Variants in IL15 observed in about 807,000 individuals in gnomAD.
IL15 encodes the protein interleukin-15.
IL15 carries 11 observed loss-of-function variants against 19.6 expected under a neutral mutation model. The ratio of observed to expected loss-of-function variants is 0.56; its 90% CI spans 0.35 to 0.93. The LOEUF is 0.93. Among genes scored for constraint, IL15 ranks in the 40% least tolerant of loss-of-function variants. The pLI is 0.01. For synonymous variants in IL15, 58 were observed against 59.6 expected, an observed-to-expected ratio of 0.97 and a Z score of 0.12; for missense variants, 197 against 186.5, an observed-to-expected ratio of 1.06 and a Z score of -0.33.
intron 3 of IL15, among the ~76,000 whole-genome samples, 183 bp downstream of exon 3, chr4:141,719,659 A>G (rs1730008698): frequency 6.6e-6 from 1 of 152,146 alleles, no homozygotes; most frequent in African/African-American, 2.4e-5. Context: ...TCTATTGACC[A>G]TCTTGATAGG....
At chr4:141,648,824 T>C (rs1727312630) in intron 1 of IL15, among the ~76,000 whole-genome samples, 1 of 152,096 alleles carries the variant, frequency 6.6e-6, no homozygotes, top group African/African-American at 2.4e-5. Flanking sequence ...CGCTGCAACT[T>C]ATAAAGCATG....
chr4:141,717,160 T>C (rs1729913776), intron 2 of IL15: 1 of 152,188 alleles, frequency 6.6e-6, no homozygotes, highest in East Asian at 1.9e-4. Flanking sequence ...GGAGTGACTT[T>C]TGAGCCTACT....
At chr4:141,649,055 C>T (rs1727321815) in intron 1 of IL15, among the ~76,000 whole-genome samples, 1 of 152,104 alleles carries the variant, frequency 6.6e-6, no homozygotes, top group Non-Finnish European at 1.5e-5. Context: ...TACTGAACTA[C>T]TCTCTGCCCC....
intron 2 of IL15, among the ~76,000 whole-genome samples, chr4:141,677,008 C>A (rs1323433800): frequency 6.6e-6 from 1 of 152,186 alleles, no homozygotes; most frequent in African/African-American, 2.4e-5. Context: ...AGGCTACTTT[C>A]AACTTCTTTC....
intron 2 of IL15, among the ~76,000 whole-genome samples, chr4:141,658,256 T>C (rs1324921809): frequency 2.6e-5 from 4 of 152,210 alleles, no homozygotes; most frequent in Non-Finnish European, 5.9e-5. Flanking sequence ...CATGATTTTG[T>C]TTCCTGAGGC....
chr4:141,693,708 A>G (rs1179282540), intron 2 of IL15, among the ~76,000 whole-genome samples: 2 of 152,236 alleles, frequency 1.3e-5, no homozygotes, highest in African/African-American at 4.8e-5. Flanking sequence ...TGATTTAGAT[A>G]CACATTTGTT....
chr4:141,719,716 T>C (rs922048378), intron 3 of IL15, among the ~76,000 whole-genome samples: 1 of 152,172 alleles, frequency 6.6e-6, no homozygotes, highest in Non-Finnish European at 1.5e-5. Flanking sequence ...CCCACTCTTT[T>C]GTGTTCTCTA....
At chr4:141,673,445 A>T (rs1396052263) in intron 2 of IL15, among the ~76,000 whole-genome samples, 1 of 152,160 alleles carries the variant, frequency 6.6e-6, no homozygotes, top group Non-Finnish European at 1.5e-5. Context: ...AGGTCACACA[A>T]ATCAAATATC....
chr4:141,637,205 C>T (rs1319737977), intron 1 of IL15: 1 of 152,326 alleles, frequency 6.6e-6, no homozygotes, highest in Non-Finnish European at 1.5e-5. Context: ...CCCAGTCAAG[C>T]TCAGGAAGGC....
chr4:141,727,848 T>C (rs1358959060), intron 5 of IL15, 92 bp from the exon 6 acceptor site: 1 of 675,368 alleles, frequency 1.5e-6, no homozygotes. Flanking sequence ...AAAAAAAGAA[T>C]TAAAAACAAT....
At chr4:141,643,936 T>C (rs1589241) in intron 1 of IL15, among the ~76,000 whole-genome samples, 117,189 of 151,210 alleles carry the variant, frequency 0.78, 45,698 homozygotes, top group East Asian at 0.99. Flanking sequence ...ATCTGCTTGC[T>C]CCACCTTCTT....
Position 141,636,723 on chromosome 4 carries a change from C to G in IL15, c.-247C>G, listed in dbSNP as rs919556076. On this transcript the variant is annotated 5_prime_UTR_variant, in exon 1 of 8. Coordinates refer to ENST00000320650, the MANE Select transcript of IL15 (RefSeq NM_000585.5). ...CCCGGCTGCGGTGGCTGTCGCCCCC[C>G]ACCCTGCAGCCAGGACTCGATGGAG... The G allele has an allele frequency of 6.6e-6, 1 of 151,928 alleles. No homozygotes were observed. Among genetic ancestry groups the G allele is most frequent in the Non-Finnish European group, 1.5e-5 (1 of 68,044 alleles). The allele number at this position is 151,928 out of a possible 1,614,324, so 9.4% of individuals were successfully genotyped here.
At chr4:141,721,476 A>C in intron 4 of IL15, 1 of 574,324 alleles carries the variant, frequency 1.7e-6, no homozygotes, top group Non-Finnish European at 3.3e-6. Context: ...GTAGTGTAAA[A>C]AAAATTTACT....
intron 2 of IL15, among the ~76,000 whole-genome samples, chr4:141,658,937 G>T (rs1385435043): frequency 6.6e-6 from 1 of 150,756 alleles, no homozygotes; most frequent in Non-Finnish European, 1.5e-5. Flanking sequence ...TCGGCTCACT[G>T]CAAGCTCCGC....
At chr4:141,698,887 TC>T (rs2152180771) in intron 2 of IL15, among the ~76,000 whole-genome samples, 1 of 152,246 alleles carries the variant, frequency 6.6e-6, no homozygotes, top group African/African-American at 2.4e-5. Context: ...TTTAGTTTGT[TC>T]CTGTCTCTTA....
At position 141,729,836 on chromosome 4, in the gene IL15, T is replaced by C; in HGVS notation, c.241-11T>C. 1 of 1,475,646 alleles carries C rather than the reference T, an allele frequency of 6.8e-7. No homozygotes were observed. Among genetic ancestry groups the C allele is most frequent in the Admixed American group, 1.8e-5 (1 of 56,900 alleles). 91.4% of individuals were successfully genotyped at this position (1,475,646 alleles called of 1,614,324 possible). On this transcript the variant is annotated splice_polypyrimidine_tract_variant and intron_variant, in intron 6 of 7. Coordinates refer to ENST00000320650, the MANE Select transcript of IL15 (RefSeq NM_000585.5). ...AAAAAAGTAATTGTTCTTTATAACT[T>C]TTATTTTTAGCCCAGTTGCAAAGTA... is the stretch of plus-strand genomic sequence containing the variant.
At chr4:141,681,290 G>GT (rs1474681528) in intron 2 of IL15, among the ~76,000 whole-genome samples, 3 of 145,748 alleles carry the variant, frequency 2.1e-5, no homozygotes, top group Admixed American at 6.8e-5. Context: ...ATTAACCTGT[G>GT]TAAAAAAAAA....
chr4:141,670,649 A>T (rs925245284), intron 2 of IL15, among the ~76,000 whole-genome samples: 14 of 152,218 alleles, frequency 9.2e-5, no homozygotes, highest in Non-Finnish European at 1.9e-4. Context: ...TACTAGTACA[A>T]CCTAGAAATT....
chr4:141,732,537 C>T (rs1730483522), intron 7 of IL15, among the ~76,000 whole-genome samples: 2 of 152,140 alleles, frequency 1.3e-5, no homozygotes, highest in Admixed American at 1.3e-4. Flanking sequence ...TGTCCTTAAC[C>T]CATTATTGGA....
Sources: gnomAD v4.1 joint callset for allele counts (sites outside exome capture counted in the v4.1 genomes callset) on GRCh38, gnomAD v4.1.1 for gene constraint, MANE v1.5 for transcripts, NCBI Gene and HGNC (gene_info 2026-07-23, HGNC 2026-07-21) for gene names.